The following NRG2 variants were observed in gnomAD, a reference collection of about 807,000 sequenced individuals.
NRG2 encodes the protein neuregulin 2, also known as pro-neuregulin-2, membrane-bound isoform.
Under a neutral mutation model 73.9 loss-of-function variants are expected in NRG2, and 27 were observed. The observed-to-expected ratio is 0.37, with a 90% confidence interval of 0.27 to 0.50. The LOEUF (loss-of-function observed/expected upper bound fraction) is 0.50. NRG2 is among the 20% of genes least tolerant of loss of function. NRG2 has a pLI of 0.96. For missense variants in NRG2, 1,126 were observed against 1,210.1 expected, an observed-to-expected ratio of 0.93 and a Z score of 1.03; for synonymous variants, 532 against 541.0, an observed-to-expected ratio of 0.98 and a Z score of 0.23.
Position 139,865,146 on chromosome 5 carries a change from C to A in NRG2, c.1189+403G>T. On this transcript the variant is annotated intron_variant, in intron 5 of 9. Coordinates refer to ENST00000361474, the MANE Select transcript of NRG2 (RefSeq NM_004883.3). This position sits in a 1 kb window ranked among gnomAD's most constrained non-coding sequence, Gnocchi z 5.2. ...AGTTGACCATTGCGAACTGCTGACA[C>A]CTGTCCCCGGTGTATCCCACAGGAC... 6.2e-7 allele frequency: 1 copy of A among 1,613,950 alleles called. No homozygotes were observed. Among genetic ancestry groups the A allele is most frequent in the Non-Finnish European group, 8.5e-7 (1 of 1,179,868 alleles).
chr5:139,922,735 G>A (rs1043708893), intron 1 of NRG2, among the ~76,000 whole-genome samples: 1 of 152,164 alleles, frequency 6.6e-6, no homozygotes, highest in African/African-American at 2.4e-5. Flanking sequence ...TAAATAAACT[G>A]TGGTACAACC....
intron 1 of NRG2, among the ~76,000 whole-genome samples, chr5:139,944,834 G>A (rs1490725099): frequency 6.6e-6 from 1 of 152,128 alleles, no homozygotes; most frequent in Non-Finnish European, 1.5e-5. Flanking sequence ...CCCCCATACT[G>A]TTTTCCATAG....
At chr5:139,922,123 C>A (rs1004363930) in intron 1 of NRG2, among the ~76,000 whole-genome samples, 1 of 149,292 alleles carries the variant, frequency 6.7e-6, no homozygotes, top group Non-Finnish European at 1.5e-5. Context: ...AAGATAATGT[C>A]AAGACACTAA....
chr5:139,955,086 A>G (rs566597244), intron 1 of NRG2, among the ~76,000 whole-genome samples: 7 of 152,266 alleles, frequency 4.6e-5, no homozygotes, highest in Admixed American at 1.3e-4. Flanking sequence ...CAGCATGGAG[A>G]AAATGGAGAA....
At chr5:140,022,456 T>C (rs1580967427) in intron 1 of NRG2, among the ~76,000 whole-genome samples, 1 of 152,366 alleles carries the variant, frequency 6.6e-6, no homozygotes, top group African/African-American at 2.4e-5. Flanking sequence ...TTTAATGCTA[T>C]GTCCATGTTG....
intron 1 of NRG2, among the ~76,000 whole-genome samples, chr5:139,900,626 A>G (rs544691191): frequency 6.6e-6 from 1 of 152,262 alleles, no homozygotes; most frequent in South Asian, 2.1e-4. Context: ...CCTCTTCCAT[A>G]TAGTAACAGT....
At chr5:140,041,769 C>G (rs545706387) in intron 1 of NRG2, among the ~76,000 whole-genome samples, 158 of 152,052 alleles carry the variant, frequency 1.0e-3, no homozygotes, top group African/African-American at 3.7e-3. Flanking sequence ...AAAACTGGAG[C>G]CACATGGAGG....
rs1450469151 is a variant in NRG2 at position 139,848,264 on chromosome 5, T to A, written c.2206A>T (p.Thr736Ser). Residue 736 changes from threonine to serine, a missense_variant, in exon 10 of 10, where the codon ACG becomes TCG. This residue lies in a region of NRG2 where 402 missense variants were observed against 357.8 expected (regional missense o/e 1.12). Transcript: ENST00000361474. The stretch of plus-strand genomic sequence containing the variant: ...CGCCAGCGCCGGGGCCCCGCCGACG[T>A]CCTGCGGGACGCACCGCGCGCGCGC... ...RPRARGASRR[T>S]SAGPRRWRRS... The A allele has an allele frequency of 7.2e-6, 8 of 1,116,198 alleles. No individual in the cohort carries two copies. The highest frequency in any genetic ancestry group is 2.2e-6 in the Non-Finnish European group (2 of 916,350). 69.1% of individuals were successfully genotyped at this position (1,116,198 alleles called of 1,614,324 possible).
At chr5:139,941,550 T>C (rs1365220042) in intron 1 of NRG2, among the ~76,000 whole-genome samples, 1 of 152,180 alleles carries the variant, frequency 6.6e-6, no homozygotes, top group Non-Finnish European at 1.5e-5. Context: ...TTGATATCAA[T>C]CCATAAGCAT....
intron 1 of NRG2, among the ~76,000 whole-genome samples, chr5:139,942,358 T>C (rs1753464957): frequency 6.6e-6 from 1 of 152,192 alleles, no homozygotes. Context: ...TTTTATGTTT[T>C]CATAAGTTTT....
chr5:139,918,552 G>A (rs1209447236), intron 1 of NRG2, among the ~76,000 whole-genome samples: 1 of 152,186 alleles, frequency 6.6e-6, no homozygotes, highest in African/African-American at 2.4e-5. Context: ...TGAGGAAACT[G>A]AGGGTCCAAG....
At chr5:140,032,260 G>A (rs1027115815) in intron 1 of NRG2, among the ~76,000 whole-genome samples, 2 of 152,176 alleles carry the variant, frequency 1.3e-5, no homozygotes, top group African/African-American at 4.8e-5. Context: ...AGTGAAACTG[G>A]TAAATTTTGC....
At chr5:139,938,787 G>A (rs186858985) in intron 1 of NRG2, among the ~76,000 whole-genome samples, 2 of 149,706 alleles carry the variant, frequency 1.3e-5, no homozygotes, top group Non-Finnish European at 3.0e-5. Flanking sequence ...ATTCTTGGGG[G>A]GAAAAGGATA....
chr5:140,012,236 A>G (rs1192429503), intron 1 of NRG2, among the ~76,000 whole-genome samples: 1 of 151,722 alleles, frequency 6.6e-6, no homozygotes, highest in Non-Finnish European at 1.5e-5. Context: ...CTTCAATCCC[A>G]AGGCGGGGTT....
intron 1 of NRG2, among the ~76,000 whole-genome samples, chr5:139,955,696 T>C (rs548951898): frequency 6.6e-6 from 1 of 152,240 alleles, no homozygotes; most frequent in Admixed American, 6.5e-5. Flanking sequence ...AGTAAGTAGA[T>C]ATCTATTGGG....
intron 1 of NRG2, among the ~76,000 whole-genome samples, chr5:139,895,209 C>G (rs779428966): frequency 1.7e-4 from 26 of 152,248 alleles, no homozygotes; most frequent in Non-Finnish European, 4.4e-5. Flanking sequence ...CTGCCAGGAG[C>G]CAAGCATCCT....
chr5:140,005,163 C>G (rs892159494), intron 1 of NRG2, among the ~76,000 whole-genome samples: 4 of 152,098 alleles, frequency 2.6e-5, no homozygotes, highest in Non-Finnish European at 5.9e-5. Flanking sequence ...GGGCCAAAAG[C>G]GAGGATTTGA....
chr5:140,001,302 C>G (rs1419837868), intron 1 of NRG2, among the ~76,000 whole-genome samples: 1 of 152,114 alleles, frequency 6.6e-6, no homozygotes, highest in African/African-American at 2.4e-5. Flanking sequence ...CATACTTAAG[C>G]GTATTTAATA....
chr5:139,896,185 G>C (rs1336534879), intron 1 of NRG2, among the ~76,000 whole-genome samples: 3 of 152,188 alleles, frequency 2.0e-5, no homozygotes, highest in African/African-American at 7.2e-5. Flanking sequence ...CTTTCTGAGG[G>C]TCTGCCAAGC....
Sources: gnomAD v4.1 joint callset for allele counts (sites outside exome capture counted in the v4.1 genomes callset) on GRCh38, gnomAD v4.1.1 for gene constraint, gnomAD v4.1.1 regional missense constraint, Gnocchi (gnomAD v3.1) non-coding constraint, MANE v1.5 for transcripts, NCBI Gene and HGNC (gene_info 2026-07-23, HGNC 2026-07-21) for gene names.